The following NREP variants were observed in gnomAD, a reference collection of about 807,000 sequenced individuals.
NREP encodes the protein neuronal regeneration related protein, also known as neuronal regeneration-related protein.
Under a neutral mutation model 8.6 loss-of-function variants are expected in NREP, and 5 were observed. That is an observed-to-expected ratio of 0.58 (90% CI 0.30 to 1.22). The LOEUF is 1.22. NREP is among the 50% of genes most tolerant of loss of function. NREP has a pLI of 0.07. For missense variants in NREP, 86 were observed against 82.5 expected (o/e 1.04, Z -0.17); for synonymous variants, 27 against 28.0 (o/e 0.96, Z 0.11).
chr5:111,948,368 A>G (rs1756049700), intron 2 of NREP, among the ~76,000 whole-genome samples: 1 of 152,168 alleles, frequency 6.6e-6, no homozygotes, highest in Non-Finnish European at 1.5e-5. Context: ...CCACTATTTT[A>G]GAAAAACAAC....
At chr5:111,938,717 AG>A (rs1755751459) in intron 2 of NREP, among the ~76,000 whole-genome samples, 1 of 152,070 alleles carries the variant, frequency 6.6e-6, no homozygotes, top group Admixed American at 6.6e-5. Context: ...GTACGTGTAA[AG>A]TACTGGGAAC....
At chr5:111,854,367 G>T (rs1418580895) in intron 2 of NREP, among the ~76,000 whole-genome samples, 1 of 152,122 alleles carries the variant, frequency 6.6e-6, no homozygotes, top group Non-Finnish European at 1.5e-5. Context: ...ACTTTGTAGG[G>T]TTTCACCTGC....
chr5:111,770,596 T>G (rs916932708), intron 2 of NREP, among the ~76,000 whole-genome samples: 1 of 127,882 alleles, frequency 7.8e-6, no homozygotes, highest in African/African-American at 2.9e-5. Context: ...AGACAGAGTC[T>G]CACTCTGTTA....
intron 2 of NREP, among the ~76,000 whole-genome samples, chr5:111,835,826 A>G (rs574712365): frequency 6.6e-6 from 1 of 152,204 alleles, no homozygotes; most frequent in Admixed American, 6.6e-5. Flanking sequence ...TAAAGTTCAT[A>G]GGGAAATTAG....
At chr5:111,967,817 C>A (rs1756688321) in intron 2 of NREP, among the ~76,000 whole-genome samples, 1 of 152,078 alleles carries the variant, frequency 6.6e-6, no homozygotes, top group East Asian at 1.9e-4. Context: ...AGATCTTTTT[C>A]CCTCTCTTTC....
chr5:111,779,578 G>C (rs1751444269), intron 2 of NREP, among the ~76,000 whole-genome samples: 1 of 152,202 alleles, frequency 6.6e-6, no homozygotes, highest in African/African-American at 2.4e-5. Context: ...AACTCTCCAA[G>C]AAAGGGGGTA....
intron 2 of NREP, among the ~76,000 whole-genome samples, chr5:111,888,198 A>G (rs1754307606): frequency 6.6e-6 from 1 of 152,250 alleles, no homozygotes; most frequent in African/African-American, 2.4e-5. Context: ...AATGATTGCC[A>G]ATAATTATCT....
chr5:111,934,896 G>A (rs1755638676), intron 2 of NREP, among the ~76,000 whole-genome samples: 1 of 151,820 alleles, frequency 6.6e-6, no homozygotes, highest in South Asian at 2.1e-4. Flanking sequence ...AATTTGGAGA[G>A]CCCACAGAGC....
At chr5:111,786,897 C>T (rs1174361540) in intron 2 of NREP, among the ~76,000 whole-genome samples, 1 of 152,034 alleles carries the variant, frequency 6.6e-6, no homozygotes, top group Non-Finnish European at 1.5e-5. Context: ...ATTATTTTTG[C>T]CTTGGAAGGG....
At chr5:111,936,297 A>T (rs1196053793) in intron 2 of NREP, among the ~76,000 whole-genome samples, 2 of 151,968 alleles carry the variant, frequency 1.3e-5, no homozygotes, top group South Asian at 4.1e-4. Context: ...GTGAGTTCTC[A>T]CAAGATCTGA....
At chr5:111,828,071 C>T in intron 2 of NREP, among the ~76,000 whole-genome samples, 1 of 151,654 alleles carries the variant, frequency 6.6e-6, no homozygotes, top group East Asian at 1.9e-4. Flanking sequence ...CTCTTGTTTG[C>T]CCAGGCTGGA....
chr5:111,845,489 G>A (rs1015834133), intron 2 of NREP, among the ~76,000 whole-genome samples: 2 of 152,074 alleles, frequency 1.3e-5, no homozygotes, highest in African/African-American at 4.8e-5. Context: ...AAATGGTTAT[G>A]TTGAGAATTC....
At chr5:111,975,401 A>C in intron 1 of NREP, 1 of 1,534,518 alleles carries the variant, frequency 6.5e-7, no homozygotes. Flanking sequence ...CACATGGTAG[A>C]AAACGTGAGC....
intron 2 of NREP, among the ~76,000 whole-genome samples, chr5:111,882,030 C>A (rs6882251): frequency 0.11 from 16,670 of 152,098 alleles, 1,375 homozygotes; most frequent in African/African-American, 0.23. Flanking sequence ...TCAAACTACT[C>A]CGAGCTACAG....
chr5:111,945,368 G>C (rs1229714487), intron 2 of NREP, among the ~76,000 whole-genome samples: 6 of 151,490 alleles, frequency 4.0e-5, no homozygotes, highest in Non-Finnish European at 8.8e-5. Flanking sequence ...TGCCATGTTG[G>C]TGTGCTGCAC....
intron 2 of NREP, among the ~76,000 whole-genome samples, chr5:111,791,253 C>G (rs7705997): frequency 0.97 from 147,130 of 152,230 alleles, 71,303 homozygotes; most frequent in East Asian, 1. Context: ...CAGCAATTTT[C>G]AAGTATACAA....
chr5:111,857,733 G>A (rs1222038688), intron 2 of NREP, among the ~76,000 whole-genome samples: 1 of 152,136 alleles, frequency 6.6e-6, no homozygotes, highest in African/African-American at 2.4e-5. Flanking sequence ...TAGATCCCTA[G>A]CTTCTAGAAA....
chr5:111,779,650 G>A (rs945009346), intron 2 of NREP, among the ~76,000 whole-genome samples: 5 of 152,144 alleles, frequency 3.3e-5, no homozygotes, highest in African/African-American at 1.2e-4. Flanking sequence ...TGGCTTGCCC[G>A]TGAGAACCAA....
intron 2 of NREP, among the ~76,000 whole-genome samples, chr5:111,817,894 A>G (rs1752431007): frequency 6.6e-6 from 1 of 151,968 alleles, no homozygotes; most frequent in Admixed American, 6.6e-5. Flanking sequence ...AATATTTCAC[A>G]TGTGTAAGAA....
Sources: gnomAD v4.1 joint callset for allele counts (sites outside exome capture counted in the v4.1 genomes callset) on GRCh38, gnomAD v4.1.1 for gene constraint, MANE v1.5 for transcripts, NCBI Gene and HGNC (gene_info 2026-07-23, HGNC 2026-07-21) for gene names.